Variants in CADM2 observed in about 807,000 individuals in gnomAD.
CADM2 encodes the protein cell adhesion molecule 2, also known as immunoglobulin superfamily member 4D.
In CADM2, 12 loss-of-function variants were observed where a neutral mutation model predicts 49.8. The observed-to-expected ratio is 0.24, with a 90% confidence interval of 0.15 to 0.39. The LOEUF (loss-of-function observed/expected upper bound fraction) is 0.39, where lower values mean the gene tolerates loss of function less well. CADM2 is among the 10% of genes least tolerant of loss of function. The pLI is 1.00. For missense variants in CADM2, 378 were observed against 492.3 expected (o/e 0.77, Z 2.20); for synonymous variants, 214 against 175.4 (o/e 1.22, Z -1.74).
At chr3:85,690,741 T>C (rs1163599787) in intron 1 of CADM2, among the ~76,000 whole-genome samples, 3 of 152,202 alleles carry the variant, frequency 2.0e-5, no homozygotes, top group African/African-American at 7.2e-5. Context: ...TATTCTCTTT[T>C]TTAGAAAAGA....
chr3:85,184,805 A>C (rs139080256), intron 1 of CADM2, among the ~76,000 whole-genome samples: 28 of 152,246 alleles, frequency 1.8e-4, no homozygotes, highest in Non-Finnish European at 3.2e-4. Flanking sequence ...TTTTTGCATT[A>C]GTGAAGAGTC....
chr3:85,115,629 C>A (rs555888934), intron 1 of CADM2, among the ~76,000 whole-genome samples: 1 of 152,102 alleles, frequency 6.6e-6, no homozygotes, highest in South Asian at 2.1e-4. Context: ...TCATTTTTTT[C>A]TTTGGTAAAA....
chr3:85,921,326 A>C (rs976792185), intron 6 of CADM2, among the ~76,000 whole-genome samples: 11 of 152,154 alleles, frequency 7.2e-5, no homozygotes, highest in Middle Eastern at 3.4e-3. Context: ...ACATACACAC[A>C]CACACAGACA....
intron 1 of CADM2, among the ~76,000 whole-genome samples, chr3:85,581,561 G>A (rs932390176): frequency 4.6e-5 from 7 of 151,650 alleles, no homozygotes; most frequent in African/African-American, 1.7e-4. Flanking sequence ...TTTCTTTTCT[G>A]TATTTGCAGC....
At chr3:85,185,221 T>A (rs1659976243) in intron 1 of CADM2, among the ~76,000 whole-genome samples, 1 of 152,000 alleles carries the variant, frequency 6.6e-6, no homozygotes, top group Non-Finnish European at 1.5e-5. Context: ...CCAGCAGCAC[T>A]ATGACTAATG....
intron 1 of CADM2, among the ~76,000 whole-genome samples, chr3:85,331,889 A>T (rs889953320): frequency 3.3e-5 from 5 of 152,130 alleles, no homozygotes; most frequent in Admixed American, 2.0e-4. Context: ...CCCAGTTATC[A>T]TTACAATTTT....
At chr3:85,883,563 C>A (rs1713130059) in intron 4 of CADM2, 120 bp downstream of exon 4, 7 of 840,002 alleles carry the variant, frequency 8.3e-6, no homozygotes, top group Non-Finnish European at 1.2e-5. Context: ...TGGTTTAATC[C>A]TTTCTCTGCT....
chr3:85,200,508 G>A (rs747108582), intron 1 of CADM2, among the ~76,000 whole-genome samples: 1 of 152,064 alleles, frequency 6.6e-6, no homozygotes, highest in African/African-American at 2.4e-5. Context: ...TATGAATACA[G>A]TGATCATGAA....
At chr3:85,777,172 A>AT (rs989827336) in intron 2 of CADM2, among the ~76,000 whole-genome samples, 3 of 151,814 alleles carry the variant, frequency 2.0e-5, no homozygotes, top group South Asian at 4.1e-4. Flanking sequence ...TCATAAATAA[A>AT]TTTTTTATGA....
At chr3:85,685,859 C>T (rs1254066643) in intron 1 of CADM2, among the ~76,000 whole-genome samples, 6 of 151,194 alleles carry the variant, frequency 4.0e-5, no homozygotes, top group East Asian at 2.0e-4. Flanking sequence ...CTCCTGACCT[C>T]GTGATCCGCC....
Position 85,886,226 on chromosome 3 carries a change from C to T in CADM2, c.428C>T (p.Ser143Leu). The part of the protein sequence containing the change: ...PEKPQISGFS[S>L]PVMEGDLMQL... The stretch of plus-strand genomic sequence containing the variant: ...AAGCCTCAGATTAGTGGATTCTCAT[C>T]ACCAGTTATGGAGGGTGACTTGATG... Residue 143 changes from serine to leucine, a missense_variant, in exon 5 of 10, where the codon TCA (serine) becomes TTA (leucine). Transcript: ENST00000383699. 1 of 1,613,826 alleles carries T rather than the reference C, an allele frequency of 6.2e-7. No individual in the cohort carries two copies. The highest frequency in any genetic ancestry group is 8.5e-7 in the Non-Finnish European group (1 of 1,179,816).
chr3:85,586,119 G>C (rs116651996), intron 1 of CADM2, among the ~76,000 whole-genome samples: 1 of 151,844 alleles, frequency 6.6e-6, no homozygotes, highest in Non-Finnish European at 1.5e-5. Context: ...CCATTTGTCC[G>C]GTTTTTTACC....
At chr3:85,499,665 T>G (rs940420900) in intron 1 of CADM2, among the ~76,000 whole-genome samples, 8 of 152,112 alleles carry the variant, frequency 5.3e-5, no homozygotes, top group Non-Finnish European at 8.8e-5. Flanking sequence ...TTTGGATTCA[T>G]GTACCTTTTT....
At chr3:84,990,220 T>A (rs550401242) in intron 1 of CADM2, among the ~76,000 whole-genome samples, 22 of 151,692 alleles carry the variant, frequency 1.5e-4, no homozygotes, top group African/African-American at 5.3e-4. Context: ...TTACAATATA[T>A]TATAGGTACC....
intron 1 of CADM2, among the ~76,000 whole-genome samples, chr3:85,054,787 TA>T (rs2036016146): frequency 6.6e-6 from 1 of 152,078 alleles, no homozygotes; most frequent in South Asian, 2.1e-4. Flanking sequence ...CTCTGGATGA[TA>T]AATGAGACTT....
intron 1 of CADM2, among the ~76,000 whole-genome samples, chr3:85,347,383 G>A (rs2030793371): frequency 6.7e-6 from 1 of 149,494 alleles, no homozygotes; most frequent in Non-Finnish European, 1.5e-5. Context: ...ATAATTTTAA[G>A]GACAATATTG....
At chr3:85,460,598 A>G (rs762877886) in intron 1 of CADM2, among the ~76,000 whole-genome samples, 1 of 152,128 alleles carries the variant, frequency 6.6e-6, no homozygotes, top group Non-Finnish European at 1.5e-5. Flanking sequence ...GATATTTTAT[A>G]TTTTGTTTTA....
rs1219044975 is a variant in CADM2, at chr3:85,712,051, A to G, written c.62-14471A>G. Among the ~76,000 whole-genome samples the G allele has an allele frequency of 3.3e-5, 5 of 152,166 alleles. No individual in the cohort carries two copies. In the East Asian group the frequency reaches 9.6e-4, roughly 29 times the overall value. On this transcript the variant is annotated intron_variant, in intron 1 of 9. Transcript: ENST00000383699. Reference sequence around the variant, plus strand: ...AGAATGTATTTCTGTACTTGACTTGATAAAAAGTATTTTGTTCCTCTCTTC... The same window carrying G: ...AGAATGTATTTCTGTACTTGACTTGGTAAAAAGTATTTTGTTCCTCTCTTC...
intron 1 of CADM2, among the ~76,000 whole-genome samples, chr3:85,254,040 C>A (rs992082849): frequency 6.6e-6 from 1 of 152,062 alleles, no homozygotes; most frequent in African/African-American, 2.4e-5. Flanking sequence ...CTTCAGATGC[C>A]AGTTGCAAGT....
Sources: gnomAD v4.1 joint callset for allele counts (sites outside exome capture counted in the v4.1 genomes callset) on GRCh38, gnomAD v4.1.1 for gene constraint, MANE v1.5 for transcripts, NCBI Gene and HGNC (gene_info 2026-07-23, HGNC 2026-07-21) for gene names.